Variants in DLEU7 observed in about 807,000 individuals in gnomAD.
DLEU7 encodes leukemia-associated protein 7.
DLEU7 carries 17 observed loss-of-function variants against 16.0 expected under a neutral mutation model. The observed-to-expected ratio is 1.06, with a 90% CI of 0.73 to 1.59. The LOEUF is 1.59. Ranked by LOEUF, DLEU7 falls within the 40% of genes most tolerant of loss-of-function variation. The probability of loss-of-function intolerance (pLI) is 0.00; values close to 1 mark genes in which losing one functional copy is unlikely to be tolerated. For synonymous variants in DLEU7, 113 were observed against 139.8 expected (o/e 0.81, Z 1.35); for missense variants, 308 against 314.9 (o/e 0.98, Z 0.17).
intron 1 of DLEU7, among the ~76,000 whole-genome samples, chr13:50,803,872 T>C (rs1318163523): frequency 6.6e-6 from 1 of 152,142 alleles, no homozygotes; most frequent in Admixed American, 6.6e-5. Flanking sequence ...GATTCATCAG[T>C]TTTTTGTTAT....
chr13:50,745,159 A>T (rs1228313017), intron 1 of DLEU7, among the ~76,000 whole-genome samples: 1 of 152,224 alleles, frequency 6.6e-6, no homozygotes, highest in Non-Finnish European at 1.5e-5. Flanking sequence ...AAAAGAAGAA[A>T]GCTACCCAAA....
chr13:50,748,361 C>T, intron 1 of DLEU7, among the ~76,000 whole-genome samples: 1 of 150,884 alleles, frequency 6.6e-6, no homozygotes, highest in Non-Finnish European at 1.5e-5. Flanking sequence ...ATTTAGAAGC[C>T]ACCCTGGGTC....
intron 1 of DLEU7, among the ~76,000 whole-genome samples, chr13:50,716,008 A>G (rs933916789): frequency 6.6e-6 from 1 of 152,248 alleles, no homozygotes; most frequent in Non-Finnish European, 1.5e-5. Context: ...GGACACAGGA[A>G]GCTTTGATGT....
At chr13:50,738,982 C>T (rs945596048) in intron 1 of DLEU7, among the ~76,000 whole-genome samples, 3 of 130,044 alleles carry the variant, frequency 2.3e-5, no homozygotes, top group African/African-American at 3.7e-5. Context: ...CACACACACA[C>T]ACACACACAC....
Position 50,806,976 on chromosome 13 carries a change from CAA to C in DLEU7, c.459+36210_459+36211del, listed in dbSNP as rs556761618. On this transcript the variant is annotated intron_variant, in intron 1 of 1. Coordinates refer to the DLEU7 transcript ENST00000400393. ...TGGGTGACAGAGCTAGACTCCCTCT[CAA>C]AAAAAAAAAAAAAAAAAAAAGTCGG... is the stretch of plus-strand genomic sequence containing the variant. Among the ~76,000 whole-genome samples the C allele has an allele frequency of 7.4e-5, 4 of 54,186 alleles. No individual in the cohort carries two copies. In the East Asian group the frequency reaches 1.5e-3, roughly 21 times the overall value. 35.5% of individuals were successfully genotyped at this position (54,186 alleles called of 152,430 possible).
chr13:50,819,248 G>T (rs1211230804), downstream of DLEU7, among the ~76,000 whole-genome samples: 3 of 152,110 alleles, frequency 2.0e-5, no homozygotes, highest in Non-Finnish European at 4.4e-5. Context: ...CGTTGTTCTG[G>T]CAGAGGGAAG....
chr13:50,794,988 G>T (rs188468184), intron 1 of DLEU7, among the ~76,000 whole-genome samples: 1 of 151,606 alleles, frequency 6.6e-6, no homozygotes, highest in Non-Finnish European at 1.5e-5. Context: ...ACTTGGTGAC[G>T]GCTAGGCTGA....
chr13:50,713,887 C>T (rs1033062434), intron 1 of DLEU7, among the ~76,000 whole-genome samples: 2 of 152,186 alleles, frequency 1.3e-5, no homozygotes, highest in African/African-American at 4.8e-5. Context: ...CACATCATTC[C>T]GCAGATGTGA....
At chr13:50,727,809 T>C (rs964932842) in intron 1 of DLEU7, among the ~76,000 whole-genome samples, 4 of 152,218 alleles carry the variant, frequency 2.6e-5, no homozygotes, top group African/African-American at 9.6e-5. Flanking sequence ...CTGCTGTGAC[T>C]TTGGGTTATT....
chr13:50,767,283 G>A (rs1032193962), intron 1 of DLEU7, among the ~76,000 whole-genome samples: 1 of 151,824 alleles, frequency 6.6e-6, no homozygotes, highest in African/African-American at 2.4e-5. Flanking sequence ...GTGAAACCCC[G>A]ACTCTACTAA....
chr13:50,825,372 A>G (rs191409068), intron 1 of DLEU7, among the ~76,000 whole-genome samples: 61 of 152,310 alleles, frequency 4.0e-4, no homozygotes, highest in South Asian at 8.3e-4. Flanking sequence ...CTAATTTCTA[A>G]TACTTATGTG....
Position 50,834,588 on chromosome 13 carries a change from T to C in DLEU7, c.459+8600A>G, listed in dbSNP as rs138466430. 9.6e-4 allele frequency among the ~76,000 whole-genome samples: 146 copies of C among 152,268 alleles called. No individual in the cohort carries two copies. The East Asian group carries it at 0.024, about 25-fold the overall frequency. ...GAGAAATAGGAATGCTTTTACACTG[T>C]TGGTGGGAGTGTAAATTAGTTCAAC... On this transcript the variant is annotated intron_variant, in intron 1 of 1. Coordinates refer to ENST00000504404, the MANE Select transcript of DLEU7 (RefSeq NM_001306135.2).
intron 1 of DLEU7, among the ~76,000 whole-genome samples, chr13:50,810,237 G>C (rs1226430827): frequency 6.6e-6 from 1 of 151,442 alleles, no homozygotes; most frequent in Non-Finnish European, 1.5e-5. Flanking sequence ...AATTTCAGTG[G>C]TTGTAGGCAT....
Position 50,747,305 on chromosome 13 carries a change from A to G in DLEU7, c.460-34065T>C, listed in dbSNP as rs151086911. Among the ~76,000 whole-genome samples the G allele has an allele frequency of 2.6e-5, 4 of 151,674 alleles. No individual in the cohort carries two copies. The East Asian group carries it at 7.8e-4, about 29-fold the overall frequency. Reference sequence around the variant, plus strand: ...ATTCCATTTATGCTCTCCAAACAATACATATTTTAAAAAGAAAAGAAAAAC... The same window carrying G: ...ATTCCATTTATGCTCTCCAAACAATGCATATTTTAAAAAGAAAAGAAAAAC... On this transcript the variant is annotated intron_variant, in intron 1 of 1. Transcript: ENST00000400393.
chr13:50,831,002 C>T (rs1421513018), intron 1 of DLEU7, among the ~76,000 whole-genome samples: 1 of 151,646 alleles, frequency 6.6e-6, no homozygotes, highest in Non-Finnish European at 1.5e-5. Flanking sequence ...TTTCAAAAGT[C>T]AAATTAGCTC....
chr13:50,821,709 G>A (rs1229112731), downstream of DLEU7, among the ~76,000 whole-genome samples: 2 of 148,526 alleles, frequency 1.3e-5, no homozygotes, highest in African/African-American at 5.0e-5. Flanking sequence ...AATAAAAAAT[G>A]TTCACTATTT....
rs1429634417 is a variant in DLEU7, at chr13:50,726,522, C to G, written c.460-13282G>C. The stretch of plus-strand genomic sequence containing the variant: ...GGGTTTAAATTAAGGGTAAACGTTG[C>G]ATTTTCAAATCACAAAAGTTTTTGC... On this transcript the variant is annotated intron_variant, in intron 1 of 1. Transcript: ENST00000400393. The surrounding 1 kb of genome is among the most constrained non-coding windows in gnomAD (Gnocchi z 4.0). Among the ~76,000 whole-genome samples, 2 of 152,190 alleles carry G rather than the reference C, an allele frequency of 1.3e-5. No individual in the cohort carries two copies. The highest frequency in any genetic ancestry group is 2.4e-5 in the African/African-American group (1 of 41,436).
intron 1 of DLEU7, among the ~76,000 whole-genome samples, chr13:50,764,181 T>A (rs1458212159): frequency 6.6e-6 from 1 of 152,198 alleles, no homozygotes; most frequent in Non-Finnish European, 1.5e-5. Context: ...CCTTCATCTA[T>A]AATATAAGAA....
intron 1 of DLEU7, among the ~76,000 whole-genome samples, chr13:50,762,059 G>C (rs1268125994): frequency 6.6e-6 from 1 of 151,740 alleles, no homozygotes; most frequent in Non-Finnish European, 1.5e-5. Context: ...AGGCGTGGTG[G>C]TGGGCACCTG....
Sources: gnomAD v4.1 joint callset for allele counts (sites outside exome capture counted in the v4.1 genomes callset) on GRCh38, gnomAD v4.1.1 for gene constraint, Gnocchi (gnomAD v3.1) non-coding constraint, MANE v1.5 for transcripts, NCBI Gene and HGNC (gene_info 2026-07-23, HGNC 2026-07-21) for gene names.